HPSE: variants seen among roughly 807,000 people sequenced by gnomAD.
The protein encoded by HPSE is endo-glucoronidase.
Under a neutral mutation model 65.1 loss-of-function variants are expected in HPSE, and 48 were observed. The ratio of observed to expected loss-of-function variants is 0.74; its 90% CI spans 0.58 to 0.94. The LOEUF is 0.94. Ranked by LOEUF, HPSE falls within the 40% of genes least tolerant of loss-of-function variation. The probability of loss-of-function intolerance (pLI) is 0.00; values close to 1 mark genes in which losing one functional copy is unlikely to be tolerated. For missense variants in HPSE, 644 were observed against 637.5 expected, an observed-to-expected ratio of 1.01 and a Z score of -0.11; for synonymous variants, 243 against 260.0, an observed-to-expected ratio of 0.93 and a Z score of 0.63.
At chr4:83,309,667 C>T (rs991640701) in intron 6 of HPSE, among the ~76,000 whole-genome samples, 172 bp from the exon 7 acceptor site, 1 of 152,060 alleles carries the variant, frequency 6.6e-6, no homozygotes, top group African/African-American at 2.4e-5. Context: ...AGGAGGAGTC[C>T]ATTCTATGCA....
At chr4:83,325,105 C>T (rs1450906665) in intron 1 of HPSE, among the ~76,000 whole-genome samples, 2 of 150,146 alleles carry the variant, frequency 1.3e-5, no homozygotes, top group Admixed American at 6.7e-5. Context: ...ATAACAAGCA[C>T]GTTATATTTT....
intron 3 of HPSE, among the ~76,000 whole-genome samples, chr4:83,314,534 G>A (rs1216087670): frequency 1.3e-5 from 2 of 152,074 alleles, no homozygotes; most frequent in Admixed American, 6.6e-5. Context: ...AGTTTTCTGC[G>A]ATATTAAGGT....
chr4:83,327,489 T>C (rs1243576391), intron 1 of HPSE, among the ~76,000 whole-genome samples: 1 of 151,944 alleles, frequency 6.6e-6, no homozygotes, highest in Non-Finnish European at 1.5e-5. Context: ...TTCAACCATA[T>C]ACAAGAAAAA....
Position 83,293,358 on chromosome 4 carries a change from T to C in HPSE, c.*1986A>G, listed in dbSNP as rs1735615340. On this transcript the variant is annotated 3_prime_UTR_variant, in exon 12 of 12. Transcript: ENST00000311412. ...GCTCATTTTCTTCCTCTGGTTGCTA[T>C]GAGGTTTGAAGGGGCCCATGAAACA... The C allele has an allele frequency of 6.6e-6, 1 of 152,142 alleles. No individual in the cohort carries two copies. The highest frequency in any genetic ancestry group is 2.4e-5 in the African/African-American group (1 of 41,416). 9.4% of individuals were successfully genotyped at this position (152,142 alleles called of 1,614,324 possible). A position where few individuals can be genotyped will look rare whatever the true frequency, so the allele number is the denominator to read the frequency against.
In HPSE at chr4:83,322,225, T is replaced by C; in HGVS notation, c.367A>G (p.Asn123Asp). The change falls in exon 2 of 12, where the codon AAC (asparagine) becomes GAC (aspartate). Residue 123 changes from asparagine (N) to aspartate (D), a missense_variant. Coordinates refer to ENST00000311412, the MANE Select transcript of HPSE (RefSeq NM_001098540.3). ...AATCTTTAAAAATTTTCACCCTGGTTGACTTGAGATTGCCAGTAACTTCTC... is the reference window on the plus strand; with the variant it reads ...AATCTTTAAAAATTTTCACCCTGGTCGACTTGAGATTGCCAGTAACTTCTC... ...EERSYWQSQV[N>D]QDICKYGSIP... 1 of 1,613,026 alleles carries C rather than the reference T, an allele frequency of 6.2e-7. No individual in the cohort carries two copies. The highest frequency in any genetic ancestry group is 8.5e-7 in the Non-Finnish European group (1 of 1,179,562).
chr4:83,334,234 C>T (rs1301481812), intron 1 of HPSE, among the ~76,000 whole-genome samples: 1 of 152,124 alleles, frequency 6.6e-6, no homozygotes, highest in African/African-American at 2.4e-5. Flanking sequence ...GAGAAATTAC[C>T]TATTAGATAC....
At chr4:83,309,564 G>C in intron 6 of HPSE, 69 bp from the exon 7 acceptor site, 1 of 862,004 alleles carries the variant, frequency 1.2e-6, no homozygotes, top group Non-Finnish European at 1.9e-6. Flanking sequence ...GTTAATTGCT[G>C]ACCTTATTCT....
At chr4:83,325,941 G>A (rs549426682) in intron 1 of HPSE, among the ~76,000 whole-genome samples, 20 of 152,208 alleles carry the variant, frequency 1.3e-4, no homozygotes, top group Non-Finnish European at 2.8e-4. Context: ...CTAGAGATGG[G>A]GGCAGAGAGG....
At chr4:83,311,813 G>C (rs1223647705) in intron 4 of HPSE, among the ~76,000 whole-genome samples, 1 of 150,824 alleles carries the variant, frequency 6.6e-6, no homozygotes, top group Non-Finnish European at 1.5e-5. Context: ...AGTTTGAGCA[G>C]GAAGAAGACT....
At position 83,308,771 on chromosome 4, in the gene HPSE, G is replaced by A. The variant is rs572042906; in HGVS notation, c.1091+74C>T. 39 of 1,116,894 alleles carry A rather than the reference G, an allele frequency of 3.5e-5. No homozygotes were observed. The African/African-American group carries it at 5.1e-4, about 15-fold the overall frequency. The allele number at this position is 1,116,894 out of a possible 1,614,324, so 69.2% of individuals were successfully genotyped here. A position where few individuals can be genotyped will look rare whatever the true frequency, so the allele number is the denominator to read the frequency against. ...GTCTTTGATCTGCTTTTTGGCTGGG[G>A]AGCTATTTCAGCAGAATAGAAGGAT... is the stretch of plus-strand genomic sequence containing the variant. On this transcript the variant is annotated intron_variant, in intron 8 of 11. Coordinates refer to ENST00000311412, the MANE Select transcript of HPSE (RefSeq NM_001098540.3).
chr4:83,320,274 A>G (rs1736836605), intron 2 of HPSE, among the ~76,000 whole-genome samples: 1 of 152,058 alleles, frequency 6.6e-6, no homozygotes, highest in Non-Finnish European at 1.5e-5. Flanking sequence ...ACTTGAAAAA[A>G]TCCACCCTGG....
intron 1 of HPSE, among the ~76,000 whole-genome samples, chr4:83,330,252 G>T (rs963594985): frequency 6.6e-6 from 1 of 152,252 alleles, no homozygotes; most frequent in African/African-American, 2.4e-5. Context: ...CTACAGGGAA[G>T]ACAGTGTCAT....
chr4:83,306,452 G>A, intron 8 of HPSE, 135 bp from the exon 9 acceptor site: 1 of 536,890 alleles, frequency 1.9e-6, no homozygotes, highest in Non-Finnish European at 3.3e-6. Context: ...GTCTCACTCT[G>A]TCACCCAGGC....
intron 1 of HPSE, among the ~76,000 whole-genome samples, chr4:83,330,486 C>T (rs1414885781): frequency 6.6e-6 from 1 of 152,354 alleles, no homozygotes; most frequent in Non-Finnish European, 1.5e-5. Context: ...GTGAATATTT[C>T]TGCCATCAAT....
At chr4:83,319,544 T>C in intron 2 of HPSE, 75 bp from the exon 3 acceptor site, 1 of 1,430,274 alleles carries the variant, frequency 7.0e-7, no homozygotes, top group Non-Finnish European at 9.7e-7. Flanking sequence ...TTTATTTAGT[T>C]AGCTATTTAT....
intron 11 of HPSE, among the ~76,000 whole-genome samples, chr4:83,298,929 C>T (rs1163693569): frequency 6.6e-6 from 1 of 152,104 alleles, no homozygotes; most frequent in African/African-American, 2.4e-5. Context: ...CACTCAAAAA[C>T]TTATCTAGGA....
intron 1 of HPSE, among the ~76,000 whole-genome samples, chr4:83,333,852 AAAAAAG>A (rs1737498337): frequency 6.6e-6 from 1 of 151,968 alleles, no homozygotes; most frequent in South Asian, 2.1e-4. Context: ...CCTAAAAAAA[AAAAAAG>A]AAAAGAAAAA....
chr4:83,293,215 T>C lies in HPSE; in HGVS notation c.*2129A>G, dbSNP rs1309811493. On this transcript the variant is annotated 3_prime_UTR_variant, in exon 12 of 12. Coordinates refer to ENST00000311412, the MANE Select transcript of HPSE (RefSeq NM_001098540.3). ...CCTCGTTGTTGTTGGCAGTGACTGG[T>C]GAAATGGCCACATTACCCATTTCTG... 6.6e-6 allele frequency: 1 copy of C among 152,172 alleles called. No individual in the cohort carries two copies. The highest frequency in any genetic ancestry group is 1.9e-4 in the East Asian group (1 of 5,196). 9.4% of individuals were successfully genotyped at this position (152,172 alleles called of 1,614,324 possible). A position where few individuals can be genotyped will look rare whatever the true frequency, so the allele number is the denominator to read the frequency against.
At chr4:83,296,519 A>G (rs1353626385) in intron 11 of HPSE, among the ~76,000 whole-genome samples, 1 of 152,082 alleles carries the variant, frequency 6.6e-6, no homozygotes, top group Non-Finnish European at 1.5e-5. Flanking sequence ...ACCCAAAAAT[A>G]CAAAAATTAG....
Sources: gnomAD v4.1 joint callset for allele counts (sites outside exome capture counted in the v4.1 genomes callset) on GRCh38, gnomAD v4.1.1 for gene constraint, MANE v1.5 for transcripts, NCBI Gene and HGNC (gene_info 2026-07-23, HGNC 2026-07-21) for gene names.